The following ARHGEF7 variants were observed in gnomAD, a reference collection of about 807,000 sequenced individuals.
ARHGEF7 encodes PAK-interacting exchange factor beta.
Under a neutral mutation model 109.8 loss-of-function variants are expected in ARHGEF7, and 33 were observed. The ratio of observed to expected loss-of-function variants is 0.30; its 90% CI spans 0.23 to 0.40. ARHGEF7 has a LOEUF of 0.40. ARHGEF7 is among the 10% of genes least tolerant of loss of function. The pLI, the probability that ARHGEF7 is intolerant of heterozygous loss-of-function variation, is 1.00. For synonymous variants in ARHGEF7, 458 were observed against 424.6 expected, an observed-to-expected ratio of 1.08 and a Z score of -0.97; for missense variants, 938 against 1,098.5, an observed-to-expected ratio of 0.85 and a Z score of 2.07.
chr13:111,246,098 A>G (rs868564960), intron 8 of ARHGEF7, among the ~76,000 whole-genome samples: 12 of 152,116 alleles, frequency 7.9e-5, no homozygotes, highest in Middle Eastern at 3.4e-3. Flanking sequence ...TGACTATTTT[A>G]TTTTCTTGGT....
At position 111,145,425 on chromosome 13, in the gene ARHGEF7, C is replaced by T. The variant is rs1373777853; in HGVS notation, c.166-8480C>T. 6.6e-6 allele frequency among the ~76,000 whole-genome samples: 1 copy of T among 152,080 alleles called. No individual in the cohort carries two copies. Among genetic ancestry groups the T allele is most frequent in the African/African-American group, 2.4e-5 (1 of 41,378 alleles). ...AAAAGTCATTAACTCTCCCTGACCC[C>T]GAAGCGAAAGGTCAAGGGAAGGAGG... On this transcript the variant is annotated intron_variant, in intron 1 of 21. Coordinates refer to ENST00000646102, the MANE Select transcript of ARHGEF7 (RefSeq NM_001354046.2). The surrounding 1 kb of genome is among the most constrained non-coding windows in gnomAD (Gnocchi z 4.3).
intron 3 of ARHGEF7, chr13:111,209,197 C>T (rs1053747667): frequency 1.3e-5 from 2 of 151,840 alleles, no homozygotes; most frequent in African/African-American, 2.4e-5. Context: ...CTCATTCTCT[C>T]TTTTTTTTAA....
intron 2 of ARHGEF7, among the ~76,000 whole-genome samples, chr13:111,162,131 C>T (rs1215934697): frequency 1.3e-5 from 2 of 152,230 alleles, no homozygotes; most frequent in Non-Finnish European, 2.9e-5. Flanking sequence ...AGTAGCAGTA[C>T]ATGAGAGTAC....
chr13:111,220,776 C>G (rs117726077), intron 5 of ARHGEF7, among the ~76,000 whole-genome samples: 2 of 151,980 alleles, frequency 1.3e-5, no homozygotes, highest in Non-Finnish European at 2.9e-5. Context: ...TTGTTCTACC[C>G]GAAGCCACTA....
chr13:111,238,230 A>C (rs995656531), intron 6 of ARHGEF7, among the ~76,000 whole-genome samples: 1 of 152,124 alleles, frequency 6.6e-6, no homozygotes, highest in Non-Finnish European at 1.5e-5. Context: ...ATGCAGTGGA[A>C]GGTGTACAGC....
At chr13:111,148,584 A>C (rs2075733232) in intron 1 of ARHGEF7, among the ~76,000 whole-genome samples, 1 of 152,214 alleles carries the variant, frequency 6.6e-6, no homozygotes, top group South Asian at 2.1e-4. Context: ...GAAGACATGA[A>C]GCTGGTTGGG....
intron 6 of ARHGEF7, among the ~76,000 whole-genome samples, chr13:111,242,079 G>A (rs1357517084): frequency 6.6e-6 from 1 of 152,108 alleles, no homozygotes; most frequent in East Asian, 1.9e-4. Flanking sequence ...AAGACATTGT[G>A]GTTGTGGGGT....
rs7490787 is a variant in ARHGEF7 at position 111,115,426 on chromosome 13, G to C, written c.-101G>C. ...AGCCAATCGCCGGCGCCGGCCGCTC[G>C]ATGGGCGAGGCGGCGGCGGCGGCGG... On this transcript the variant is annotated 5_prime_UTR_variant, in exon 1 of 22. Coordinates refer to ENST00000646102, the MANE Select transcript of ARHGEF7 (RefSeq NM_001354046.2). 1.5e-5 allele frequency: 14 copies of C among 922,726 alleles called. No individual in the cohort carries two copies. The Admixed American group carries it at 2.6e-4, about 17-fold the overall frequency. The allele number at this position is 922,726 out of a possible 1,614,324, so 57.2% of individuals were successfully genotyped here. A position where few individuals can be genotyped will look rare whatever the true frequency, so the allele number is the denominator to read the frequency against.
intron 12 of ARHGEF7, 175 bp downstream of exon 12, chr13:111,275,853 G>A: frequency 3.9e-6 from 3 of 766,870 alleles, no homozygotes; most frequent in Non-Finnish European, 6.2e-6. Flanking sequence ...ATGTTAGAGA[G>A]GCTTAGAGCT....
intron 1 of ARHGEF7, among the ~76,000 whole-genome samples, chr13:111,133,783 A>G (rs181206972): frequency 2.7e-5 from 2 of 75,394 alleles, no homozygotes; most frequent in African/African-American, 9.1e-5. Context: ...ATATATATAT[A>G]TATATATATA....
intron 2 of ARHGEF7, among the ~76,000 whole-genome samples, chr13:111,163,466 A>AT (rs1361909348): frequency 4.6e-5 from 7 of 152,206 alleles, no homozygotes; most frequent in Non-Finnish European, 1.0e-4. Context: ...TGCAGTAGGA[A>AT]TATACTGGGA....
At chr13:111,223,857 C>CTTTTTTTTTT (rs2084807599) in intron 5 of ARHGEF7, among the ~76,000 whole-genome samples, 1 of 141,314 alleles carries the variant, frequency 7.1e-6, no homozygotes, top group African/African-American at 2.7e-5. Flanking sequence ...ATTTCTATAG[C>CTTTTTTTTTT]ATTTTTTTTT....
At chr13:111,275,063 T>C (rs527272005) in intron 11 of ARHGEF7, among the ~76,000 whole-genome samples, 1 of 152,394 alleles carries the variant, frequency 6.6e-6, no homozygotes, top group Non-Finnish European at 1.5e-5. Context: ...TTGTCTTTAA[T>C]GATTTATTGC....
At chr13:111,178,214 A>G (rs1156556511) in intron 2 of ARHGEF7, among the ~76,000 whole-genome samples, 1 of 152,124 alleles carries the variant, frequency 6.6e-6, no homozygotes, top group East Asian at 1.9e-4. Flanking sequence ...GCCCTGAAGC[A>G]CTCTGAGTTC....
At chr13:111,193,218 C>T (rs538315415) in intron 2 of ARHGEF7, among the ~76,000 whole-genome samples, 106 of 152,356 alleles carry the variant, frequency 7.0e-4, no homozygotes, top group African/African-American at 2.4e-3. Context: ...GGGGAGACAA[C>T]TATGCCCCCG....
At chr13:111,180,730 C>T (rs2078651851) in intron 2 of ARHGEF7, among the ~76,000 whole-genome samples, 1 of 152,156 alleles carries the variant, frequency 6.6e-6, no homozygotes, top group Non-Finnish European at 1.5e-5. Flanking sequence ...AGATCAGCTC[C>T]AACAAGAGAA....
chr13:111,219,375 T>C (rs765509197), intron 5 of ARHGEF7, among the ~76,000 whole-genome samples: 12 of 152,256 alleles, frequency 7.9e-5, no homozygotes, highest in Non-Finnish European at 1.3e-4. Context: ...ATCATATGTA[T>C]GTACAACATT....
At chr13:111,159,500 C>G (rs2076587261) in intron 2 of ARHGEF7, among the ~76,000 whole-genome samples, 1 of 152,232 alleles carries the variant, frequency 6.6e-6, no homozygotes, top group Non-Finnish European at 1.5e-5. Context: ...ACATTCCCAC[C>G]AACAATGTGC....
chr13:111,250,824 G>A (rs1373448169), intron 8 of ARHGEF7, among the ~76,000 whole-genome samples: 1 of 152,302 alleles, frequency 6.6e-6, no homozygotes, highest in South Asian at 2.1e-4. Context: ...AGTTTATTAT[G>A]AAGGATGCAA....
Sources: allele counts gnomAD v4.1 joint callset (sites outside exome capture counted in the v4.1 genomes callset), GRCh38; gene constraint gnomAD v4.1.1; non-coding constraint Gnocchi (gnomAD v3.1); transcripts MANE v1.5; gene names NCBI Gene and HGNC (gene_info 2026-07-23, HGNC 2026-07-21).